Variants in SATB2 observed in about 807,000 individuals in gnomAD.
SATB2 encodes the protein DNA-binding protein SATB2.
Under a neutral mutation model 73.4 loss-of-function variants are expected in SATB2, and 1 was observed. The observed-to-expected ratio is 0.01, with a 90% CI of 0.00 to 0.06. SATB2 has a LOEUF of 0.06. Among genes scored for constraint, SATB2 ranks in the 10% least tolerant of loss-of-function variants. The pLI is 1.00. For synonymous variants in SATB2, 397 were observed against 367.0 expected (o/e 1.08, Z -0.93); for missense variants, 459 against 945.8 (o/e 0.49, Z 6.75).
chr2:199,313,533 T>A (rs1247505520), intron 9 of SATB2, among the ~76,000 whole-genome samples: 2 of 152,094 alleles, frequency 1.3e-5, no homozygotes, highest in Non-Finnish European at 2.9e-5. Context: ...TATATTTCCC[T>A]CAGTAGAAAA....
chr2:199,289,688 C>G (rs1323260866), intron 10 of SATB2, among the ~76,000 whole-genome samples: 1 of 152,164 alleles, frequency 6.6e-6, no homozygotes, highest in Non-Finnish European at 1.5e-5. Flanking sequence ...TTACAAATGA[C>G]ATTAGCAGGG....
Position 199,270,181 on chromosome 2 carries a change from T to C in SATB2, c.*2030A>G, listed in dbSNP as rs1454164660. ...GGCCAGGGCTAACTGCAAACAACCA[T>C]CCTTTTGCAAAGGTATATGACGCTT... On this transcript the variant is annotated 3_prime_UTR_variant, in exon 11 of 11. Transcript: ENST00000417098. The C allele has an allele frequency of 1.3e-5, 2 of 152,710 alleles. No individual in the cohort carries two copies. The highest frequency in any genetic ancestry group is 2.9e-5 in the Non-Finnish European group (2 of 68,030). The allele number at this position is 152,710 out of a possible 1,614,324, so 9.5% of individuals were successfully genotyped here.
intron 9 of SATB2, among the ~76,000 whole-genome samples, chr2:199,314,711 G>C (rs1241326419): frequency 6.6e-6 from 1 of 152,100 alleles, no homozygotes; most frequent in Non-Finnish European, 1.5e-5. Context: ...GGAAGATAAA[G>C]ATAGATTTCA....
At chr2:199,458,300 A>T (rs1052254699), upstream of SATB2, 1 of 234,382 alleles carries the variant, frequency 4.3e-6, no homozygotes, top group African/African-American at 2.4e-5. Flanking sequence ...ACGGCGACCC[A>T]ACGGCGGCGG....
chr2:199,278,155 G>C (rs1270888311), intron 10 of SATB2, among the ~76,000 whole-genome samples: 1 of 152,188 alleles, frequency 6.6e-6, no homozygotes, highest in African/African-American at 2.4e-5. Context: ...CCCTACAGAG[G>C]CAGCATTGGA....
chr2:199,298,740 C>T (rs1042989291), intron 10 of SATB2, among the ~76,000 whole-genome samples: 5 of 152,294 alleles, frequency 3.3e-5, no homozygotes, highest in South Asian at 2.1e-4. Context: ...GTATGTGAAA[C>T]AAGTGCACTG....
intron 2 of SATB2, 66 bp from the exon 3 acceptor site, chr2:199,433,580 G>T: frequency 7.0e-7 from 1 of 1,432,026 alleles, no homozygotes; most frequent in Non-Finnish European, 9.9e-7. Context: ...ACCACGATGA[G>T]AAGGGAAGCA....
At chr2:199,330,174 A>G (rs918283516) in intron 7 of SATB2, among the ~76,000 whole-genome samples, 3 of 152,224 alleles carry the variant, frequency 2.0e-5, no homozygotes, top group Non-Finnish European at 4.4e-5. Context: ...TGTAAGAGGA[A>G]TATGCTATCT....
chr2:199,324,454 T>C (rs1487426823), intron 8 of SATB2, among the ~76,000 whole-genome samples: 1 of 152,144 alleles, frequency 6.6e-6, no homozygotes, highest in Non-Finnish European at 1.5e-5. Flanking sequence ...TATGTATGGT[T>C]TCCCATCATT....
At chr2:199,353,625 G>A (rs1178221064) in intron 6 of SATB2, among the ~76,000 whole-genome samples, 1 of 152,114 alleles carries the variant, frequency 6.6e-6, no homozygotes, top group Non-Finnish European at 1.5e-5. Context: ...TTGAGCCTGA[G>A]CGTTCTTTCT....
intron 5 of SATB2, among the ~76,000 whole-genome samples, chr2:199,374,054 A>C (rs189426097): frequency 1.2e-3 from 178 of 152,356 alleles, no homozygotes; most frequent in African/African-American, 4.0e-3. Flanking sequence ...GGCATGTTGT[A>C]CATATGAGTT....
chr2:199,394,326 T>C (rs781588347), intron 3 of SATB2, among the ~76,000 whole-genome samples: 1 of 152,134 alleles, frequency 6.6e-6, no homozygotes, highest in African/African-American at 2.4e-5. Context: ...AATTATCTGA[T>C]TATAAATACT....
At chr2:199,420,065 G>A (rs1691118229) in intron 3 of SATB2, among the ~76,000 whole-genome samples, 1 of 152,148 alleles carries the variant, frequency 6.6e-6, no homozygotes, top group African/African-American at 2.4e-5. Flanking sequence ...GAGGGGTGTG[G>A]TGGCTAAGCC....
At chr2:199,416,929 C>T (rs1485030353) in intron 3 of SATB2, among the ~76,000 whole-genome samples, 5 of 151,666 alleles carry the variant, frequency 3.3e-5, no homozygotes, top group African/African-American at 4.8e-5. Context: ...CCAGCTACTC[C>T]GGAGGCTGAG....
intron 3 of SATB2, among the ~76,000 whole-genome samples, chr2:199,400,461 C>A (rs577211270): frequency 6.6e-6 from 1 of 152,216 alleles, no homozygotes; most frequent in Admixed American, 6.5e-5. Flanking sequence ...AGGTGTTGTG[C>A]CATCAACACA....
upstream of SATB2, chr2:199,459,497 G>C (rs1339448884): frequency 1.3e-5 from 2 of 152,262 alleles, no homozygotes; most frequent in African/African-American, 2.4e-5. The surrounding 1 kb of genome is among the most constrained non-coding windows in gnomAD (Gnocchi z 4.2). Context: ...CGAGATACCC[G>C]GGGCGTCGGC....
intron 3 of SATB2, chr2:199,423,866 T>C (rs1691247980): frequency 6.6e-6 from 1 of 152,188 alleles, no homozygotes; most frequent in African/African-American, 2.4e-5. Flanking sequence ...TTAAATGTTC[T>C]AGGAGATTTT....
intron 10 of SATB2, among the ~76,000 whole-genome samples, chr2:199,307,492 G>A (rs1687469171): frequency 6.6e-6 from 1 of 152,130 alleles, no homozygotes; most frequent in South Asian, 2.1e-4. Context: ...GGGTGAGTAT[G>A]TGCTGTGTAC....
chr2:199,293,372 T>C (rs1010411588), intron 10 of SATB2, among the ~76,000 whole-genome samples: 1 of 152,130 alleles, frequency 6.6e-6, no homozygotes, highest in African/African-American at 2.4e-5. Flanking sequence ...GTCATAACTT[T>C]CCTTAATCAA....
Sources: gnomAD v4.1 joint callset for allele counts (sites outside exome capture counted in the v4.1 genomes callset) on GRCh38, gnomAD v4.1.1 for gene constraint, Gnocchi (gnomAD v3.1) non-coding constraint, MANE v1.5 for transcripts, NCBI Gene and HGNC (gene_info 2026-07-23, HGNC 2026-07-21) for gene names.